The following ADAMTS3 variants were observed in gnomAD, a reference collection of about 807,000 sequenced individuals.
ADAMTS3 encodes the protein ADAM metallopeptidase with thrombospondin type 1 motif 3, also known as A disintegrin and metalloproteinase with thrombospondin motifs 3.
A neutral mutation model predicts 129.0 loss-of-function variants in ADAMTS3; 73 were observed. That is an observed-to-expected ratio of 0.57 (90% CI 0.47 to 0.69). ADAMTS3 has a LOEUF of 0.69. Among genes scored for constraint, ADAMTS3 ranks in the 30% least tolerant of loss-of-function variants. The probability of loss-of-function intolerance (pLI) is 0.00; values close to 1 mark genes in which losing one functional copy is unlikely to be tolerated. For missense variants in ADAMTS3, 1,457 were observed against 1,514.5 expected, an observed-to-expected ratio of 0.96 and a Z score of 0.63; for synonymous variants, 477 against 510.8, an observed-to-expected ratio of 0.93 and a Z score of 0.89.
At chr4:72,316,625 T>C (rs1285860180) in intron 10 of ADAMTS3, among the ~76,000 whole-genome samples, 7 of 151,822 alleles carry the variant, frequency 4.6e-5, no homozygotes, top group African/African-American at 7.3e-5. Flanking sequence ...GATGTGGAGG[T>C]TGCAGTGAGC....
intron 3 of ADAMTS3, among the ~76,000 whole-genome samples, chr4:72,448,342 T>C (rs982878135): frequency 6.6e-6 from 1 of 151,820 alleles, no homozygotes; most frequent in African/African-American, 2.4e-5. Context: ...TTCAGTACGA[T>C]GTAATTTCTG....
intron 4 of ADAMTS3, among the ~76,000 whole-genome samples, chr4:72,375,990 A>G (rs887309737): frequency 2.6e-5 from 4 of 152,224 alleles, no homozygotes; most frequent in Admixed American, 6.5e-5. Context: ...AGAAGAAGAA[A>G]AGGGCAAAAT....
At chr4:72,424,321 C>T (rs1246503719) in intron 3 of ADAMTS3, among the ~76,000 whole-genome samples, 1 of 152,032 alleles carries the variant, frequency 6.6e-6, no homozygotes, top group African/African-American at 2.4e-5. Context: ...TAGACATTAC[C>T]ATTTCAGTTC....
intron 3 of ADAMTS3, among the ~76,000 whole-genome samples, chr4:72,533,122 AAC>A (rs1264348794): frequency 5.9e-5 from 9 of 152,186 alleles, no homozygotes; most frequent in African/African-American, 2.2e-4. Context: ...CTTAGCTTAA[AAC>A]ACAAACACAT....
intron 4 of ADAMTS3, among the ~76,000 whole-genome samples, chr4:72,392,967 C>T (rs1721638320): frequency 6.6e-6 from 1 of 150,482 alleles, no homozygotes. Flanking sequence ...ACCCTGTCGC[C>T]CAGGCTGGAG....
chr4:72,517,398 T>G (rs927930121), intron 3 of ADAMTS3, among the ~76,000 whole-genome samples: 29 of 152,336 alleles, frequency 1.9e-4, no homozygotes, highest in African/African-American at 7.0e-4. Flanking sequence ...TTGGAATAGT[T>G]TCAGAAAGAA....
intron 4 of ADAMTS3, among the ~76,000 whole-genome samples, chr4:72,381,536 C>G (rs377221444): frequency 6.6e-6 from 1 of 152,092 alleles, no homozygotes; most frequent in Non-Finnish European, 1.5e-5. Flanking sequence ...CTGCTCCTAA[C>G]GTATTTCAAC....
intron 3 of ADAMTS3, among the ~76,000 whole-genome samples, chr4:72,525,182 G>A (rs542717955): frequency 3.7e-4 from 57 of 152,322 alleles, no homozygotes; most frequent in Non-Finnish European, 5.9e-4. Flanking sequence ...ACACTGGGAA[G>A]AGAAACTGCT....
chr4:72,525,999 A>G (rs112959778), intron 3 of ADAMTS3, among the ~76,000 whole-genome samples: 14 of 152,210 alleles, frequency 9.2e-5, no homozygotes, highest in Non-Finnish European at 2.1e-4. Flanking sequence ...GTATCACAAA[A>G]GAATTTAAAA....
At chr4:72,533,792 A>C (rs753003942) in intron 3 of ADAMTS3, among the ~76,000 whole-genome samples, 20 of 151,434 alleles carry the variant, frequency 1.3e-4, no homozygotes, top group Non-Finnish European at 2.7e-4. Flanking sequence ...TGAAGCCTTC[A>C]AGTACACAGA....
At chr4:72,520,857 G>A (rs1489442789) in intron 3 of ADAMTS3, among the ~76,000 whole-genome samples, 1 of 151,958 alleles carries the variant, frequency 6.6e-6, no homozygotes, top group Non-Finnish European at 1.5e-5. Flanking sequence ...TCTGTCCTGT[G>A]CCCACTGTTT....
At chr4:72,452,237 A>G (rs1014335447) in intron 3 of ADAMTS3, among the ~76,000 whole-genome samples, 1 of 151,708 alleles carries the variant, frequency 6.6e-6, no homozygotes, top group Non-Finnish European at 1.5e-5. Context: ...ACTTCACAAA[A>G]TGTGTTATCT....
At chr4:72,539,383 C>A (rs140605060) in intron 3 of ADAMTS3, among the ~76,000 whole-genome samples, 7 of 148,746 alleles carry the variant, frequency 4.7e-5, no homozygotes, top group African/African-American at 1.7e-4. Context: ...TACAAGTGGC[C>A]AACAGGCACA....
chr4:72,322,079 G>A (rs538359961), intron 6 of ADAMTS3, among the ~76,000 whole-genome samples: 2 of 152,234 alleles, frequency 1.3e-5, no homozygotes, highest in Non-Finnish European at 1.5e-5. Flanking sequence ...AATAAAATCA[G>A]TTTCCTTTTT....
chr4:72,456,340 A>ATATTTTATATATAGTATATAG lies in ADAMTS3; in HGVS notation c.505-41370_505-41369insCTATATACTATATATAAAATA, dbSNP rs1718614658. Among the ~76,000 whole-genome samples the ATATTTTATATATAGTATATAG allele has an allele frequency of 2.1e-5, 3 of 139,812 alleles. No individual in the cohort carries two copies. In the East Asian group the frequency reaches 6.1e-4, roughly 29 times the overall value. 91.7% of individuals were successfully genotyped at this position (139,812 alleles called of 152,430 possible). ...ATTTTATATATAGTATATATACTGT[A>ATATTTTATATATAGTATATAG]TATACTATATATAGTATATAGTATA... On this transcript the variant is annotated intron_variant, in intron 3 of 21. Coordinates refer to ENST00000286657, the MANE Select transcript of ADAMTS3 (RefSeq NM_014243.3).
rs759285133 is a variant in ADAMTS3 at position 72,303,935 on chromosome 4, A to G, written c.2406T>C (p.His802=). 1.9e-6 allele frequency: 3 copies of G among 1,613,582 alleles called. No homozygotes were observed. In the South Asian group the frequency reaches 3.3e-5, roughly 18 times the overall value. ...CACATACCAAAACAATAACAGGATCATGTAAAGGTCCATCGGTGTGAAGAC... is the reference window on the plus strand; with the variant it reads ...CACATACCAAAACAATAACAGGATCGTGTAAAGGTCCATCGGTGTGAAGAC... The part of the protein sequence containing the change: ...IESLHTDGPL[H]DPVIVLIIPQ... Residue 802 remains histidine, a synonymous_variant, in exon 17 of 22, where the codon CAT becomes CAC. Coordinates refer to ENST00000286657, the MANE Select transcript of ADAMTS3 (RefSeq NM_014243.3).
At chr4:72,385,483 C>T (rs190092149) in intron 4 of ADAMTS3, among the ~76,000 whole-genome samples, 2 of 152,050 alleles carry the variant, frequency 1.3e-5, no homozygotes, top group Admixed American at 1.3e-4. Flanking sequence ...AGACCTACCT[C>T]CAACCATATC....
Position 72,303,924 on chromosome 4 carries a change from A to G in ADAMTS3, c.2417T>C (p.Ile806Thr), listed in dbSNP as rs373387738. The change falls in exon 17 of 22, where the codon ATT becomes ACT. Residue 806 changes from isoleucine (I) to threonine (T), a missense_variant. By Grantham distance (89) the Ile-to-Thr change is moderately conservative. Coordinates refer to ENST00000286657, the MANE Select transcript of ADAMTS3 (RefSeq NM_014243.3). The part of the protein sequence containing the change: ...HTDGPLHDPV[I>T]VLIIPQENDT... ...GCCCATAATGCCACATACCAAAACAATAACAGGATCATGTAAAGGTCCATC... is the reference window on the plus strand; with the variant it reads ...GCCCATAATGCCACATACCAAAACAGTAACAGGATCATGTAAAGGTCCATC... 48 of 1,613,340 alleles carry G rather than the reference A, an allele frequency of 3.0e-5. 1 individual carries two copies. The Admixed American group carries it at 3.8e-4, about 13-fold the overall frequency.
At chr4:72,372,794 G>A (rs1028220693) in intron 4 of ADAMTS3, among the ~76,000 whole-genome samples, 2 of 151,840 alleles carry the variant, frequency 1.3e-5, no homozygotes, top group African/African-American at 4.8e-5. Flanking sequence ...ATGCTATTGA[G>A]GAAAAAAATA....
Sources: gnomAD v4.1 joint callset for allele counts (sites outside exome capture counted in the v4.1 genomes callset) on GRCh38, gnomAD v4.1.1 for gene constraint, MANE v1.5 for transcripts, NCBI Gene and HGNC (gene_info 2026-07-23, HGNC 2026-07-21) for gene names.